Variants in PTPRH observed in about 807,000 individuals in gnomAD.
The protein encoded by PTPRH is protein tyrosine phosphatase receptor type H.
PTPRH carries 113 observed loss-of-function variants against 130.2 expected under a neutral mutation model. The observed-to-expected ratio is 0.87, with a 90% CI of 0.75 to 1.01. The LOEUF is 1.01. Among genes scored for constraint, PTPRH ranks in the 50% least tolerant of loss-of-function variants. PTPRH has a pLI of 0.00. For missense variants in PTPRH, 1,430 were observed against 1,425.0 expected (o/e 1.00, Z -0.06); for synonymous variants, 556 against 577.9 (o/e 0.96, Z 0.54).
rs781056633 is a variant in PTPRH, at chr19:55,198,930, G to C, written c.1421-18C>G. ...GTTGGGGACTGGGAGAGGGAGCAGA[G>C]TCAGGATTTCCACATCCCCTAGTCC... On this transcript the variant is annotated intron_variant, in intron 7 of 19. Transcript: ENST00000376350. 5 of 1,496,632 alleles carry C rather than the reference G, an allele frequency of 3.3e-6. No homozygotes were observed. The East Asian group carries it at 1.2e-4, about 35-fold the overall frequency. The allele number at this position is 1,496,632 out of a possible 1,614,324, so 92.7% of individuals were successfully genotyped here. A position where few individuals can be genotyped will look rare whatever the true frequency, so the allele number is the denominator to read the frequency against.
rs187924084 is a variant in PTPRH, at chr19:55,182,226, T to C, written c.3063-75A>G. The C allele has an allele frequency of 2.0e-3, 3,019 of 1,507,284 alleles. 7 individuals are homozygous for C. The highest frequency in any genetic ancestry group is 2.5e-3 in the Non-Finnish European group (2,786 of 1,103,838). The allele number at this position is 1,507,284 out of a possible 1,614,324, so 93.4% of individuals were successfully genotyped here. A position where few individuals can be genotyped will look rare whatever the true frequency, so the allele number is the denominator to read the frequency against. On this transcript the variant is annotated intron_variant, in intron 18 of 19. Coordinates refer to ENST00000376350, the MANE Select transcript of PTPRH (RefSeq NM_002842.5). ...CCGGGGTCATGGCTGATTGGAGGGATCTGTGTTTGAATGATGACAATAACT... is the reference window on the plus strand; with the variant it reads ...CCGGGGTCATGGCTGATTGGAGGGACCTGTGTTTGAATGATGACAATAACT...
At chr19:55,191,904 G>A (rs776333465) in intron 10 of PTPRH, 163 bp from the exon 11 acceptor site, 34 of 714,466 alleles carry the variant, frequency 4.8e-5, no homozygotes, top group South Asian at 1.3e-4. Flanking sequence ...ATACTTACGC[G>A]CTTACCCATG....
chr19:55,182,074 C>G lies in PTPRH; in HGVS notation c.3140G>C (p.Gly1047Ala), dbSNP rs1252115865. The G allele has an allele frequency of 6.2e-7, 1 of 1,614,120 alleles. No homozygotes were observed. Among genetic ancestry groups the G allele is most frequent in the East Asian group, 2.2e-5 (1 of 44,876 alleles). Residue 1047 changes from glycine (G) to alanine (A), a missense_variant, in exon 19 of 20, where the codon GGG becomes GCG. Gly to Ala is a moderately conservative substitution (Grantham distance 60, BLOSUM62 0). Transcript: ENST00000376350. ...CATCTTCCTTACAAAGCTGAAGGGC[C>G]CAAGGAGACCCTCGGACTGCAGCTG... is the stretch of plus-strand genomic sequence containing the variant. ...LRQLQSEGLL[G>A]PFSFVRKMRE...
chr19:55,186,514 G>A lies in PTPRH; in HGVS notation c.2593C>T (p.Pro865Ser), dbSNP rs1215887834. 7 of 1,513,112 alleles carry A rather than the reference G, an allele frequency of 4.6e-6. No homozygotes were observed. The East Asian group carries it at 1.9e-4, about 40-fold the overall frequency. The allele number at this position is 1,513,112 out of a possible 1,614,324, so 93.7% of individuals were successfully genotyped here. The change falls in exon 15 of 20, where the codon CCC (proline) becomes TCC (serine). Residue 865 changes from proline to serine, a missense_variant. Pro to Ser is a moderately conservative substitution (Grantham distance 74). Transcript: ENST00000376350. Reference sequence around the variant, plus strand: ...TCAGAGCCTGGCTCCTCATGGATGGGCTTCAGGGGCACCCGGGACCAGTCA... The same window carrying A: ...TCAGAGCCTGGCTCCTCATGGATGGACTTCAGGGGCACCCGGGACCAGTCA... ...PYDWSRVPLK[P>S]IHEEPGSDYI...
In PTPRH at chr19:55,197,957, A is replaced by G. The variant is rs529933919; in HGVS notation, c.1691-541T>C. Among the ~76,000 whole-genome samples the G allele has an allele frequency of 2.0e-5, 3 of 152,332 alleles. No individual in the cohort carries two copies. The South Asian group carries it at 6.2e-4, about 32-fold the overall frequency. ...GCCAGGCATAGTGGCTCACTCCTGTAATCTCAGTGCTTTGGGAGGCCGAGG... is the reference window on the plus strand; with the variant it reads ...GCCAGGCATAGTGGCTCACTCCTGTGATCTCAGTGCTTTGGGAGGCCGAGG... On this transcript the variant is annotated intron_variant, in intron 8 of 19. Coordinates refer to ENST00000376350, the MANE Select transcript of PTPRH (RefSeq NM_002842.5).
In PTPRH at chr19:55,205,452, T is replaced by A; in HGVS notation, c.493A>T (p.Thr165Ser). 1 of 1,614,110 alleles carries A rather than the reference T, an allele frequency of 6.2e-7. No individual in the cohort carries two copies. ...ATGTTAGTGTGTGCTGTGCTTCGAG[T>A]CCCTGCTCTGCCACCATCTCCAGTG... is the stretch of plus-strand genomic sequence containing the variant. ...EYTGDGGRAG[T>S]RSTAHTNITV... The change falls in exon 4 of 20, where the codon ACT (threonine) becomes TCT (serine). Residue 165 changes from threonine (T) to serine (S), a missense_variant. Physicochemically the swap from Thr to Ser is moderately conservative, Grantham distance 58. Coordinates refer to ENST00000376350, the MANE Select transcript of PTPRH (RefSeq NM_002842.5).
Position 55,185,915 on chromosome 19 carries a change from C to G in PTPRH, c.2848G>C (p.Val950Leu). Residue 950 changes from valine (V) to leucine (L), a missense_variant, in exon 17 of 20, where the codon GTA becomes CTA. Transcript: ENST00000376350. ...CAGTTCTCCATCACTTCCTCACCTA[C>G]CAGGGTTACCCGCAGGTGCCCATGG... ...CTHGHLRVTL[V>L]GEEVMENWTV... The G allele has an allele frequency of 6.2e-7, 1 of 1,614,162 alleles. No homozygotes were observed. Among genetic ancestry groups the G allele is most frequent in the South Asian group, 1.1e-5 (1 of 91,082 alleles).
At chr19:55,194,676 T>C (rs1328823804) in intron 10 of PTPRH, among the ~76,000 whole-genome samples, 1 of 152,140 alleles carries the variant, frequency 6.6e-6, no homozygotes, top group East Asian at 1.9e-4. Flanking sequence ...TGCAAGATGA[T>C]ACAACCACAT....
chr19:55,191,354 C>G, intron 12 of PTPRH, 147 bp downstream of exon 12: 1 of 905,638 alleles, frequency 1.1e-6, no homozygotes, highest in South Asian at 1.5e-5. Context: ...ATGGAAGGGC[C>G]GTGGTCCCTG....
intron 10 of PTPRH, chr19:55,192,115 T>C (rs2086559672): frequency 2.6e-6 from 1 of 384,056 alleles, no homozygotes. Flanking sequence ...ATACAGCATA[T>C]AGTACGGCCG....
Position 55,198,684 on chromosome 19 carries a change from T to C in PTPRH, c.1649A>G (p.Asn550Ser), listed in dbSNP as rs746882304. 6.2e-6 allele frequency: 10 copies of C among 1,613,718 alleles called. No homozygotes were observed. The South Asian group carries it at 7.7e-5, about 12-fold the overall frequency. The change falls in exon 8 of 20, where the codon AAT (asparagine) becomes AGT (serine). Residue 550 changes from asparagine (N) to serine (S), a missense_variant. By Grantham distance (46) the Asn-to-Ser change is conservative. Coordinates refer to ENST00000376350, the MANE Select transcript of PTPRH (RefSeq NM_002842.5). ...LYHLTVWAER[N>S]EVRGYNSTLT... The stretch of plus-strand genomic sequence containing the variant: ...GGTGCTGTTATAGCCTCTGACCTCA[T>C]TCCTCTCGGCCCAGACGGTGAGGTG...
At chr19:55,187,152 T>A (rs928957948) in intron 14 of PTPRH, among the ~76,000 whole-genome samples, 1 of 150,646 alleles carries the variant, frequency 6.6e-6, no homozygotes, top group Non-Finnish European at 1.5e-5. Context: ...GAGACCATCC[T>A]GGCTAACACG....
chr19:55,193,240 A>AC (rs1309230451), intron 10 of PTPRH, among the ~76,000 whole-genome samples: 1 of 151,564 alleles, frequency 6.6e-6, no homozygotes, highest in African/African-American at 2.4e-5. Flanking sequence ...AAAAAAAAAA[A>AC]AGAAAAAGAA....
In PTPRH at chr19:55,185,851, G is replaced by C. The variant is rs749058004; in HGVS notation, c.2901+11C>G. The C allele has an allele frequency of 2.4e-5, 39 of 1,613,980 alleles. No homozygotes were observed. Among genetic ancestry groups the C allele is most frequent in the Non-Finnish European group, 3.1e-5 (37 of 1,180,028 alleles). ...AAGGCTGAGGGCCAGGACGGGGCTG[G>C]ACACACGCACCTGGAGGAGCAGCAG... On this transcript the variant is annotated intron_variant, in intron 17 of 19. Transcript: ENST00000376350.
chr19:55,193,672 G>C (rs191548702), intron 10 of PTPRH, among the ~76,000 whole-genome samples: 1 of 152,092 alleles, frequency 6.6e-6, no homozygotes, highest in Non-Finnish European at 1.5e-5. Flanking sequence ...GGATCTAGCC[G>C]GAAACGTCTG....
rs150929721 is a variant in PTPRH at position 55,181,786 on chromosome 19, C to T, written c.3316G>A (p.Ala1106Thr). 6.8e-6 allele frequency: 11 copies of T among 1,614,184 alleles called. No homozygotes were observed. Among genetic ancestry groups the T allele is most frequent in the African/African-American group, 5.3e-5 (4 of 75,068 alleles). Residue 1106 changes from alanine to threonine, a missense_variant, in exon 20 of 20, where the codon GCC (alanine) becomes ACC (threonine). Ala to Thr is a moderately conservative substitution (Grantham distance 58). Coordinates refer to ENST00000376350, the MANE Select transcript of PTPRH (RefSeq NM_002842.5). The part of the protein sequence containing the change: ...DVENLIYENV[A>T]AIQAHKLEV ...TCCAACTTGTGGGCCTGGATGGCGG[C>T]CACGTTCTCGTAGATGAGGTTTTCG...
chr19:55,205,359 T>C lies in PTPRH; in HGVS notation c.586A>G (p.Asn196Asp), dbSNP rs1424750986. Residue 196 changes from asparagine to aspartate, a missense_variant, in exon 4 of 20, where the codon AAC (asparagine) becomes GAC (aspartate). By Grantham distance (23) the Asn-to-Asp change is conservative (BLOSUM62 1). Transcript: ENST00000376350. Reference protein sequence around the residue: ...FSMWVGKNGINSSRETRNATT... With the variant: ...FSMWVGKNGIDSSRETRNATT... ...GCATTTCGAGTCTCCCGGGAGCTGT[T>C]GATTCCATTCTTTCCCACCCACATG... The C allele has an allele frequency of 6.2e-7, 1 of 1,614,176 alleles. No individual in the cohort carries two copies. Among genetic ancestry groups the C allele is most frequent in the Admixed American group, 1.7e-5 (1 of 60,016 alleles).
rs536366807 is a variant in PTPRH, at chr19:55,197,164, T to G, written c.1943A>C (p.Glu648Ala). The G allele has an allele frequency of 2.8e-5, 46 of 1,614,266 alleles. No individual in the cohort carries two copies. Among genetic ancestry groups the G allele is most frequent in the Non-Finnish European group, 3.8e-5 (45 of 1,180,050 alleles). Residue 648 changes from glutamate (E) to alanine (A), a missense_variant, in exon 9 of 20, where the codon GAG (glutamate) becomes GCG (alanine). By Grantham distance (107) the Glu-to-Ala change is moderately radical. Transcript: ENST00000376350. ...GTLYNFTVWA[E>A]RNDVASSTQS... ...CGTGGAACTGGCTACGTCATTCCTC[T>G]CTGCCCACACGGTGAAATTGTACAA...
At chr19:55,191,986 C>T (rs530206553) in intron 10 of PTPRH, 10 of 646,538 alleles carry the variant, frequency 1.5e-5, no homozygotes, top group East Asian at 9.3e-5. Context: ...GCCTACTCAA[C>T]GCGAAGACTA....
Sources: gnomAD v4.1 joint callset for allele counts (sites outside exome capture counted in the v4.1 genomes callset) on GRCh38, gnomAD v4.1.1 for gene constraint, MANE v1.5 for transcripts, NCBI Gene and HGNC (gene_info 2026-07-23, HGNC 2026-07-21) for gene names.